The following ATAD5 variants were observed in gnomAD, a reference collection of about 807,000 sequenced individuals.
ATAD5 encodes the protein ATPase family AAA domain containing 5.
Under a neutral mutation model 176.9 loss-of-function variants are expected in ATAD5, and 58 were observed. The observed-to-expected ratio is 0.33, with a 90% confidence interval of 0.27 to 0.41. The LOEUF (loss-of-function observed/expected upper bound fraction) is 0.41, where lower values mean the gene tolerates loss of function less well. Ranked by LOEUF, ATAD5 falls within the 10% of genes least tolerant of loss-of-function variation. The probability of loss-of-function intolerance (pLI) is 1.00; values close to 1 mark genes in which losing one functional copy is unlikely to be tolerated. For synonymous variants in ATAD5, 640 were observed against 712.6 expected (o/e 0.90, Z 1.62); for missense variants, 1,789 against 2,094.1 (o/e 0.85, Z 2.84).
rs890168295 is a variant in ATAD5 at position 30,895,836 on chromosome 17, T to G, written c.*923T>G. On this transcript the variant is annotated 3_prime_UTR_variant, in exon 23 of 23. Coordinates refer to ENST00000321990, the MANE Select transcript of ATAD5 (RefSeq NM_024857.5). ...ATTAGTATATTGATCTAATTAAAGG[T>G]TAAAGCTAAAGGCTTTATGAAATGT... 14 of 152,184 alleles carry G rather than the reference T, an allele frequency of 9.2e-5. No homozygotes were observed. The highest frequency in any genetic ancestry group is 3.4e-4 in the African/African-American group (14 of 41,450). The allele number at this position is 152,184 out of a possible 1,614,324, so 9.4% of individuals were successfully genotyped here. A position where few individuals can be genotyped will look rare whatever the true frequency, so the allele number is the denominator to read the frequency against.
Position 30,865,653 on chromosome 17 carries a change from T to C in ATAD5, c.3137-51T>C, listed in dbSNP as rs570746566. Reference sequence around the variant, plus strand: ...TAATGTAAATGACTAATAATTCATATATGTTTATGTCAAGGAATGAATACC... The same window carrying C: ...TAATGTAAATGACTAATAATTCATACATGTTTATGTCAAGGAATGAATACC... On this transcript the variant is annotated intron_variant, in intron 10 of 22. Transcript: ENST00000321990. 31 of 1,108,034 alleles carry C rather than the reference T, an allele frequency of 2.8e-5. No homozygotes were observed. In the East Asian group the frequency reaches 8.3e-4, roughly 30 times the overall value. The allele number at this position is 1,108,034 out of a possible 1,614,324, so 68.6% of individuals were successfully genotyped here.
At chr17:30,880,913 A>AT (rs1908973061) in intron 18 of ATAD5, among the ~76,000 whole-genome samples, 1 of 152,054 alleles carries the variant, frequency 6.6e-6, no homozygotes, top group Non-Finnish European at 1.5e-5. Flanking sequence ...AGATCAGAAT[A>AT]TAGAGCATTT....
At chr17:30,886,617 C>T (rs891799609) in intron 18 of ATAD5, among the ~76,000 whole-genome samples, 2 of 151,562 alleles carry the variant, frequency 1.3e-5, no homozygotes, top group South Asian at 2.1e-4. Flanking sequence ...CAGCCTCTCT[C>T]AATTTCTTGG....
intron 6 of ATAD5, among the ~76,000 whole-genome samples, chr17:30,846,721 C>CTTT (rs34774584): frequency 3.9e-5 from 5 of 129,252 alleles, no homozygotes; most frequent in Admixed American, 7.8e-5. Flanking sequence ...ATTTTTCTCT[C>CTTT]TTTTTTTTTT....
At chr17:30,869,841 ATC>A (rs1381532590) in intron 14 of ATAD5, 195 bp downstream of exon 14, 4 of 585,980 alleles carry the variant, frequency 6.8e-6, no homozygotes, top group Non-Finnish European at 1.1e-5. Flanking sequence ...TTCAATATTT[ATC>A]TCTATCTGAT....
chr17:30,855,147 G>C lies in ATAD5; in HGVS notation c.2455G>C (p.Asp819His). 6.2e-7 allele frequency: 1 copy of C among 1,601,090 alleles called. No homozygotes were observed. The highest frequency in any genetic ancestry group is 8.5e-7 in the Non-Finnish European group (1 of 1,174,674). ...TTCAAATCATTTTCTTAAAAGTCAA[G>C]ATACATCTGAAAAATCTCAGGATTG... ...PVPSFDESSQDTSEKSQDCDV... is the reference protein window; with the variant it reads ...PVPSFDESSQHTSEKSQDCDV... The change falls in exon 7 of 23, where the codon GAT becomes CAT. Residue 819 changes from aspartate to histidine, a missense_variant. Physicochemically the swap from Asp to His is moderately conservative, Grantham distance 81. Coordinates refer to ENST00000321990, the MANE Select transcript of ATAD5 (RefSeq NM_024857.5).
At chr17:30,894,251 T>G in intron 21 of ATAD5, 101 bp downstream of exon 21, 1 of 1,051,126 alleles carries the variant, frequency 9.5e-7, no homozygotes, top group East Asian at 2.6e-5. Context: ...CTATTGATCA[T>G]GGTAAGCCCT....
intron 10 of ATAD5, chr17:30,864,852 A>G (rs1597977889): frequency 6.6e-6 from 1 of 151,322 alleles, no homozygotes; most frequent in Non-Finnish European, 1.5e-5. Context: ...ATACTATCCC[A>G]TGGTGTATAT....
chr17:30,868,420 G>A lies in ATAD5; in HGVS notation c.3313+8G>A. On this transcript the variant is annotated splice_region_variant and intron_variant, in intron 12 of 22. Coordinates refer to ENST00000321990, the MANE Select transcript of ATAD5 (RefSeq NM_024857.5). The stretch of plus-strand genomic sequence containing the variant: ...GAGATGAGAAACATGAAGGTATTTT[G>A]TGTGTCTTTTTTTTTTTTTTTACCA... 1 of 1,443,348 alleles carries A rather than the reference G, an allele frequency of 6.9e-7. No individual in the cohort carries two copies. Among genetic ancestry groups the A allele is most frequent in the South Asian group, 1.5e-5 (1 of 68,344 alleles). 89.4% of individuals were successfully genotyped at this position (1,443,348 alleles called of 1,614,324 possible).
At chr17:30,842,011 C>T (rs1278781603) in intron 4 of ATAD5, among the ~76,000 whole-genome samples, 1 of 152,104 alleles carries the variant, frequency 6.6e-6, no homozygotes, top group Non-Finnish European at 1.5e-5. Flanking sequence ...TGGCTCACAC[C>T]TGTAATCCCA....
At position 30,892,961 on chromosome 17, in the gene ATAD5, T is replaced by C. The variant is rs548811099; in HGVS notation, c.4440+173T>C. ...CACTTTGACAAATGGTGCATAGGCA[T>C]TGCTCTGAATGCATATTATAGGATT... On this transcript the variant is annotated intron_variant, in intron 20 of 22. Coordinates refer to ENST00000321990, the MANE Select transcript of ATAD5 (RefSeq NM_024857.5). Among the ~76,000 whole-genome samples the C allele has an allele frequency of 2.0e-4, 30 of 152,330 alleles. No homozygotes were observed. The East Asian group carries it at 5.2e-3, about 26-fold the overall frequency.
At chr17:30,844,813 C>A (rs1180176564) in intron 5 of ATAD5, 22 bp from the exon 6 acceptor site, 4 of 1,433,728 alleles carry the variant, frequency 2.8e-6, no homozygotes, top group Non-Finnish European at 3.8e-6. Context: ...TTGATACTAA[C>A]CCAAGTATTT....
At position 30,881,912 on chromosome 17, in the gene ATAD5, C is replaced by A. The variant is rs191545463; in HGVS notation, c.4077+2425C>A. On this transcript the variant is annotated intron_variant, in intron 18 of 22. Transcript: ENST00000321990. Reference sequence around the variant, plus strand: ...TTGGTGACAGAGCAAGACCCTGTCCCCCCCCCAAAAAAATAATTGTTTCTT... The same window carrying A: ...TTGGTGACAGAGCAAGACCCTGTCCACCCCCCAAAAAAATAATTGTTTCTT... Among the ~76,000 whole-genome samples, 417 of 150,814 alleles carry A rather than the reference C, an allele frequency of 2.8e-3. 6 individuals are homozygous for A. The highest frequency in any genetic ancestry group is 0.027 in the Admixed American group (402 of 15,102).
At chr17:30,849,323 C>T (rs1381773692) in intron 6 of ATAD5, among the ~76,000 whole-genome samples, 1 of 152,106 alleles carries the variant, frequency 6.6e-6, no homozygotes, top group Non-Finnish European at 1.5e-5. Context: ...CCTTGAACTC[C>T]TGGGCTCAAG....
chr17:30,840,332 C>T (rs985478142), intron 3 of ATAD5, among the ~76,000 whole-genome samples: 2 of 151,612 alleles, frequency 1.3e-5, no homozygotes, highest in Non-Finnish European at 2.9e-5. Context: ...AGTACTTTGC[C>T]TGAATTTGGT....
At position 30,868,315 on chromosome 17, in the gene ATAD5, T is replaced by G; in HGVS notation, c.3234-18T>G. 6.5e-7 allele frequency: 1 copy of G among 1,548,076 alleles called. No individual in the cohort carries two copies. Among genetic ancestry groups the G allele is most frequent in the African/African-American group, 1.4e-5 (1 of 71,754 alleles). On this transcript the variant is annotated intron_variant, in intron 11 of 22. Transcript: ENST00000321990. ...GCTATATTCTGTGAATTATTTTTATTATGTTTTCTTGTGGCAGTTGGTTGA... is the reference window on the plus strand; with the variant it reads ...GCTATATTCTGTGAATTATTTTTATGATGTTTTCTTGTGGCAGTTGGTTGA...
chr17:30,849,400 G>C (rs1353486636), intron 6 of ATAD5, among the ~76,000 whole-genome samples: 2 of 152,184 alleles, frequency 1.3e-5, no homozygotes, highest in Non-Finnish European at 2.9e-5. Flanking sequence ...CCAGCTGTTT[G>C]CAATTTGAAG....
At chr17:30,873,578 G>A (rs1908464158) in intron 14 of ATAD5, among the ~76,000 whole-genome samples, 1 of 151,868 alleles carries the variant, frequency 6.6e-6, no homozygotes, top group South Asian at 2.1e-4. Context: ...TTGGATTCTT[G>A]AAGTGCTGGG....
At chr17:30,857,427 G>T (rs1907348730) in intron 8 of ATAD5, among the ~76,000 whole-genome samples, 1 of 152,014 alleles carries the variant, frequency 6.6e-6, no homozygotes, top group African/African-American at 2.4e-5. Context: ...TGTTGGTCAG[G>T]CTGGTCTTGA....
Sources: gnomAD v4.1 joint callset for allele counts (sites outside exome capture counted in the v4.1 genomes callset) on GRCh38, gnomAD v4.1.1 for gene constraint, MANE v1.5 for transcripts, NCBI Gene and HGNC (gene_info 2026-07-23, HGNC 2026-07-21) for gene names.